FBXO42: variants seen among roughly 807,000 people sequenced by gnomAD.
FBXO42 encodes F-box protein 42, also known as F-box only protein 42.
FBXO42 carries 12 observed loss-of-function variants against 71.7 expected under a neutral mutation model. That is an observed-to-expected ratio of 0.17 (90% confidence interval 0.11 to 0.27). The LOEUF is 0.27. FBXO42 is among the 10% of genes least tolerant of loss of function. The pLI, the probability that FBXO42 is intolerant of heterozygous loss-of-function variation, is 1.00. For missense variants in FBXO42, 707 were observed against 911.9 expected (o/e 0.78, Z 2.89); for synonymous variants, 325 against 327.5 (o/e 0.99, Z 0.08).
intron 1 of FBXO42, among the ~76,000 whole-genome samples, chr1:16,348,721 GA>G (rs1328948473): frequency 6.6e-6 from 1 of 151,966 alleles, no homozygotes; most frequent in Non-Finnish European, 1.5e-5. Flanking sequence ...AAAAGAAAAA[GA>G]AAGTTTAGTG....
intron 4 of FBXO42, among the ~76,000 whole-genome samples, chr1:16,278,059 T>TAAAAAAAAAAAAAAA (rs2081923744): frequency 3.1e-5 from 4 of 129,000 alleles, no homozygotes; most frequent in African/African-American, 1.2e-4. Flanking sequence ...AAATAATTTT[T>TAAAAAAAAAAAAAAA]AAAAATCCAC....
At chr1:16,253,019 T>C in intron 8 of FBXO42, 77 bp downstream of exon 8, 7 of 1,297,550 alleles carry the variant, frequency 5.4e-6, no homozygotes, top group Non-Finnish European at 7.7e-6. Context: ...TGTATACTCC[T>C]AGAAAAGAAG....
intron 2 of FBXO42, among the ~76,000 whole-genome samples, chr1:16,313,358 A>G (rs567046088): frequency 6.6e-6 from 1 of 150,442 alleles, no homozygotes; most frequent in Non-Finnish European, 1.5e-5. Context: ...GAAAGAAAGA[A>G]AGAAAGAAAG....
intron 4 of FBXO42, among the ~76,000 whole-genome samples, chr1:16,285,494 G>A (rs2082012280): frequency 6.6e-6 from 1 of 152,018 alleles, no homozygotes; most frequent in East Asian, 2.0e-4. Context: ...GGTTGGTCTC[G>A]AACTTCTGAC....
rs386366300 is a variant in FBXO42, at chr1:16,283,494, G to GTTTTTTTTTTTTTTTTTTTT, written c.502+11269_502+11288dup. Among the ~76,000 whole-genome samples, 15 of 80,986 alleles carry GTTTTTTTTTTTTTTTTTTTT rather than the reference G, an allele frequency of 1.9e-4. 1 individual carries two copies. Among genetic ancestry groups the GTTTTTTTTTTTTTTTTTTTT allele is most frequent in the African/African-American group, 6.2e-4 (14 of 22,484 alleles). 53.1% of individuals were successfully genotyped at this position (80,986 alleles called of 152,430 possible). On this transcript the variant is annotated intron_variant, in intron 4 of 9. Transcript: ENST00000375592. The stretch of plus-strand genomic sequence containing the variant: ...TTATAGACTCTTCTAACTGTGGCAA[G>GTTTTTTTTTTTTTTTTTTTT]TTTTTTTTTTTTTTTTTTTTTTTGA...
rs1557563752 is a variant in FBXO42 at position 16,247,467 on chromosome 1, A to G, written c.*3203T>C. 1 of 152,194 alleles carries G rather than the reference A, an allele frequency of 6.6e-6. No individual in the cohort carries two copies. Among genetic ancestry groups the G allele is most frequent in the Non-Finnish European group, 1.5e-5 (1 of 68,054 alleles). 9.4% of individuals were successfully genotyped at this position (152,194 alleles called of 1,614,324 possible). On this transcript the variant is annotated 3_prime_UTR_variant, in exon 10 of 10. Transcript: ENST00000375592. ...ACAAGGTGAAAGAAAGGAAAGGGAA[A>G]CATCTCTTTGTTCTCCATTGGCTGG...
chr1:16,282,699 G>A (rs775274176), intron 4 of FBXO42, among the ~76,000 whole-genome samples: 29 of 151,986 alleles, frequency 1.9e-4, no homozygotes, highest in Admixed American at 7.9e-4. Flanking sequence ...AATGCTGATC[G>A]GCTGAGTGCA....
At chr1:16,331,840 C>G (rs946273535) in intron 1 of FBXO42, among the ~76,000 whole-genome samples, 11 of 151,818 alleles carry the variant, frequency 7.2e-5, no homozygotes, top group Admixed American at 2.6e-4. Flanking sequence ...CACCTGAGGT[C>G]AGGAGTTCGA....
At chr1:16,267,360 G>C (rs552395837) in intron 4 of FBXO42, among the ~76,000 whole-genome samples, 1 of 152,304 alleles carries the variant, frequency 6.6e-6, no homozygotes, top group South Asian at 2.1e-4. Flanking sequence ...CTAAGACTTG[G>C]TTCTACCCAG....
intron 4 of FBXO42, among the ~76,000 whole-genome samples, chr1:16,262,178 A>ATG (rs1323847494): frequency 6.6e-6 from 1 of 152,078 alleles, no homozygotes; most frequent in African/African-American, 2.4e-5. Context: ...TTTCATATAT[A>ATG]TGTGTGTGTG....
intron 3 of FBXO42, among the ~76,000 whole-genome samples, chr1:16,296,980 C>T (rs541397749): frequency 4.6e-5 from 6 of 129,606 alleles, no homozygotes; most frequent in East Asian, 5.6e-4. Flanking sequence ...GCTGTGTGGC[C>T]GAGGCTGGAG....
chr1:16,302,773 G>C (rs900968873), intron 3 of FBXO42, among the ~76,000 whole-genome samples: 5 of 152,218 alleles, frequency 3.3e-5, no homozygotes, highest in African/African-American at 1.2e-4. Flanking sequence ...GCCTCCCAAA[G>C]TGCTGGGATT....
intron 3 of FBXO42, among the ~76,000 whole-genome samples, chr1:16,303,293 C>T (rs561519872): frequency 3.9e-4 from 59 of 152,298 alleles, no homozygotes; most frequent in Middle Eastern, 3.4e-3. Context: ...TTCAGACTTG[C>T]AGTATTTCCC....
At chr1:16,277,069 A>T (rs1213325887) in intron 4 of FBXO42, among the ~76,000 whole-genome samples, 1 of 152,240 alleles carries the variant, frequency 6.6e-6, no homozygotes, top group Non-Finnish European at 1.5e-5. Context: ...TTGGTAATCA[A>T]GGAAAGATCT....
chr1:16,332,050 C>CA (rs906418408), intron 1 of FBXO42, among the ~76,000 whole-genome samples: 135 of 137,294 alleles, frequency 9.8e-4, no homozygotes, highest in Middle Eastern at 7.5e-3. Flanking sequence ...ACTCCATCTC[C>CA]AAAAAAAAAA....
intron 1 of FBXO42, among the ~76,000 whole-genome samples, chr1:16,346,989 C>T (rs2082659191): frequency 6.6e-6 from 1 of 151,604 alleles, no homozygotes. Flanking sequence ...AAGTGATCCA[C>T]CCACCTCAGC....
intron 1 of FBXO42, among the ~76,000 whole-genome samples, chr1:16,318,373 G>A (rs1053291133): frequency 2.0e-5 from 3 of 151,870 alleles, no homozygotes; most frequent in South Asian, 2.1e-4. Context: ...AGCTGAGGTC[G>A]CTCCACTGCA....
intron 1 of FBXO42, among the ~76,000 whole-genome samples, chr1:16,320,455 A>G (rs2082402935): frequency 6.6e-6 from 1 of 150,468 alleles, no homozygotes; most frequent in African/African-American, 2.4e-5. Context: ...ATATATTATC[A>G]TTTCCTACTG....
At chr1:16,340,780 G>C (rs1488457049) in intron 1 of FBXO42, among the ~76,000 whole-genome samples, 1 of 152,194 alleles carries the variant, frequency 6.6e-6, no homozygotes, top group Non-Finnish European at 1.5e-5. Flanking sequence ...ATACAAAATA[G>C]TATAAGCAGG....
Sources: gnomAD v4.1 joint callset for allele counts (sites outside exome capture counted in the v4.1 genomes callset) on GRCh38, gnomAD v4.1.1 for gene constraint, MANE v1.5 for transcripts, NCBI Gene and HGNC (gene_info 2026-07-23, HGNC 2026-07-21) for gene names.